The following KIF1B variants were observed in gnomAD, a reference collection of about 807,000 sequenced individuals.
The protein encoded by KIF1B is kinesin family member 1B.
A neutral mutation model predicts 241.9 loss-of-function variants in KIF1B; 76 were observed. The ratio of observed to expected loss-of-function variants is 0.31; its 90% CI spans 0.26 to 0.38. The LOEUF is 0.38. Among genes scored for constraint, KIF1B ranks in the 10% least tolerant of loss-of-function variants. KIF1B has a pLI of 1.00. For synonymous variants in KIF1B, 750 were observed against 796.7 expected, an observed-to-expected ratio of 0.94 and a Z score of 0.99; for missense variants, 1,622 against 2,271.4, an observed-to-expected ratio of 0.71 and a Z score of 5.81.
chr1:10,282,440 A>G lies in KIF1B; in HGVS notation c.1341A>G (p.Ser447=), dbSNP rs763679404. ...TCACTTCATCCCCATCTTCCTGCTC[A>G]CTCAGTAGTCAGGTGGGCTTGACGT... ...GSLTSSPSSC[S]LSSQVGLTSV... is the part of the protein sequence containing the mutation. The change falls in exon 15 of 49, where the codon TCA becomes TCG. Residue 447 remains serine (S), a synonymous_variant. Coordinates refer to ENST00000676179, the MANE Select transcript of KIF1B (RefSeq NM_001365951.3). The G allele has an allele frequency of 6.3e-5, 102 of 1,614,020 alleles. 1 individual carries two copies. Among genetic ancestry groups the G allele is most frequent in the Non-Finnish European group, 9.3e-6 (11 of 1,180,022 alleles).
At chr1:10,309,511 A>C (rs1377837951) in intron 22 of KIF1B, among the ~76,000 whole-genome samples, 1 of 148,288 alleles carries the variant, frequency 6.7e-6, no homozygotes, top group Non-Finnish European at 1.5e-5. Flanking sequence ...TTTTCCTTCC[A>C]GCTATTGCTT....
chr1:10,311,886 A>G (rs1014078872), intron 22 of KIF1B, among the ~76,000 whole-genome samples: 1 of 151,560 alleles, frequency 6.6e-6, no homozygotes, highest in Non-Finnish European at 1.5e-5. Context: ...ATTAATACAC[A>G]TAAACCTTTT....
intron 2 of KIF1B, among the ~76,000 whole-genome samples, chr1:10,246,974 C>T (rs546479446): frequency 3.3e-5 from 5 of 152,282 alleles, no homozygotes; most frequent in Admixed American, 6.5e-5. Context: ...AAGCTGTTCT[C>T]GTGTCTCAGC....
At chr1:10,321,024 A>G (rs1311675763) in intron 23 of KIF1B, among the ~76,000 whole-genome samples, 2 of 151,602 alleles carry the variant, frequency 1.3e-5, no homozygotes, top group African/African-American at 4.8e-5. Flanking sequence ...TAAATAAGTG[A>G]GATGGTACCT....
chr1:10,317,862 T>C (rs909958457), intron 22 of KIF1B, among the ~76,000 whole-genome samples: 3 of 151,088 alleles, frequency 2.0e-5, no homozygotes, highest in Non-Finnish European at 2.9e-5. Flanking sequence ...CATTTTGATA[T>C]TGTATTACCA....
At chr1:10,223,840 G>C (rs757550828) in intron 1 of KIF1B, among the ~76,000 whole-genome samples, 1 of 151,564 alleles carries the variant, frequency 6.6e-6, no homozygotes, top group Admixed American at 6.6e-5. Context: ...CACTGTGCCC[G>C]GCCTGAAGTT....
chr1:10,232,508 C>A, intron 2 of KIF1B, 74 bp downstream of exon 2: 1 of 1,062,920 alleles, frequency 9.4e-7, no homozygotes, highest in Non-Finnish European at 1.4e-6. Flanking sequence ...TTGCTGTGTT[C>A]AGAATAGATG....
intron 38 of KIF1B, among the ~76,000 whole-genome samples, chr1:10,356,804 G>A (rs886898101): frequency 5.9e-5 from 9 of 151,948 alleles, no homozygotes; most frequent in Non-Finnish European, 1.2e-4. Flanking sequence ...GGAGGCTGAG[G>A]CAGGAGAATC....
intron 22 of KIF1B, among the ~76,000 whole-genome samples, chr1:10,313,767 G>A (rs1171808369): frequency 2.0e-5 from 3 of 150,686 alleles, no homozygotes; most frequent in Non-Finnish European, 2.9e-5. Context: ...AGCCAGGATG[G>A]TCTTGATCTC....
In KIF1B at chr1:10,303,350, G is replaced by T. The variant is rs370312737; in HGVS notation, c.2115+6104G>T. Reference sequence around the variant, plus strand: ...ATGTATCAGATACCCCAAAGAAGGCGCTTGAGTAAAGATTCCAAGTGGGTC... The same window carrying T: ...ATGTATCAGATACCCCAAAGAAGGCTCTTGAGTAAAGATTCCAAGTGGGTC... On this transcript the variant is annotated intron_variant, in intron 22 of 48. Coordinates refer to ENST00000676179, the MANE Select transcript of KIF1B (RefSeq NM_001365951.3). This position sits in a 1 kb window ranked among gnomAD's most constrained non-coding sequence, Gnocchi z 5.2. 1.2e-6 allele frequency: 2 copies of T among 1,614,172 alleles called. No homozygotes were observed. Among genetic ancestry groups the T allele is most frequent in the Non-Finnish European group, 1.7e-6 (2 of 1,180,022 alleles).
At chr1:10,220,371 A>AATAGATAGATAGATAGATAG (rs1553160021) in intron 1 of KIF1B, among the ~76,000 whole-genome samples, 18 of 143,678 alleles carry the variant, frequency 1.3e-4, no homozygotes, top group Admixed American at 8.6e-4. Flanking sequence ...ACCCTGTTTC[A>AATAGATAGATAGATAGATAG]ATAGATAGAT....
At chr1:10,322,512 A>G (rs968218665) in intron 24 of KIF1B, among the ~76,000 whole-genome samples, 1 of 152,232 alleles carries the variant, frequency 6.6e-6, no homozygotes, top group Admixed American at 6.5e-5. Flanking sequence ...CCAAAACTTC[A>G]CACCAAACCT....
chr1:10,286,875 A>C (rs1338329925), intron 15 of KIF1B, among the ~76,000 whole-genome samples: 1 of 152,032 alleles, frequency 6.6e-6, no homozygotes, highest in African/African-American at 2.4e-5. Flanking sequence ...AGGAGGATTA[A>C]AGATTTATCT....
intron 1 of KIF1B, among the ~76,000 whole-genome samples, chr1:10,214,073 G>T (rs886442748): frequency 6.6e-6 from 1 of 151,992 alleles, no homozygotes; most frequent in Non-Finnish European, 1.5e-5. Flanking sequence ...ATTACAGTGA[G>T]CTAAGACAGC....
intron 7 of KIF1B, among the ~76,000 whole-genome samples, chr1:10,269,175 C>G (rs1648642027): frequency 6.6e-6 from 1 of 152,032 alleles, no homozygotes; most frequent in African/African-American, 2.4e-5. Context: ...TTAAAATCAC[C>G]TTTTATTTGT....
At chr1:10,245,865 T>C (rs1432010379) in intron 2 of KIF1B, among the ~76,000 whole-genome samples, 1 of 152,216 alleles carries the variant, frequency 6.6e-6, no homozygotes, top group East Asian at 1.9e-4. Context: ...TTCATTTTCT[T>C]GGCTCTTAGT....
chr1:10,232,683 T>G (rs746119336), intron 2 of KIF1B, among the ~76,000 whole-genome samples: 1 of 152,206 alleles, frequency 6.6e-6, no homozygotes, highest in Non-Finnish European at 1.5e-5. Flanking sequence ...GTGTTTATGC[T>G]TATTAAGTTG....
In KIF1B at chr1:10,363,316, A is replaced by G. The variant is rs143112560; in HGVS notation, c.4338A>G (p.Leu1446=). 2.2e-4 allele frequency: 348 copies of G among 1,613,614 alleles called. 1 individual carries two copies. Among genetic ancestry groups the G allele is most frequent in the Non-Finnish European group, 2.8e-4 (335 of 1,179,594 alleles). Residue 1446 remains leucine, a synonymous_variant, in exon 41 of 49, where the codon TTA becomes TTG. Coordinates refer to ENST00000676179, the MANE Select transcript of KIF1B (RefSeq NM_001365951.3). Reference sequence around the variant, plus strand: ...TCACTGGCATTTACGAACTCAGCTTATGCAAAATGTCAGACACAGGTAGTC... The same window carrying G: ...TCACTGGCATTTACGAACTCAGCTTGTGCAAAATGTCAGACACAGGTAGTC... ...NRVTGIYELS[L]CKMSDTGSPG...
At chr1:10,360,684 C>CAA (rs754892826) in intron 38 of KIF1B, among the ~76,000 whole-genome samples, 16 of 64,494 alleles carry the variant, frequency 2.5e-4, no homozygotes, top group East Asian at 9.7e-4. Context: ...AATTCTGTCT[C>CAA]AAAAAAAAAA....
Sources: gnomAD v4.1 joint callset for allele counts (sites outside exome capture counted in the v4.1 genomes callset) on GRCh38, gnomAD v4.1.1 for gene constraint, Gnocchi (gnomAD v3.1) non-coding constraint, MANE v1.5 for transcripts, NCBI Gene and HGNC (gene_info 2026-07-23, HGNC 2026-07-21) for gene names.